The following TAS2R1 variants were observed in gnomAD, a reference collection of about 807,000 sequenced individuals.
The protein encoded by TAS2R1 is taste 2 receptor member 1.
For synonymous variants in TAS2R1, 141 were observed against 134.2 expected (o/e 1.05, Z -0.35); for missense variants, 370 against 353.4 (o/e 1.05, Z -0.38).
the TAS2R1 span, among the ~76,000 whole-genome samples, chr5:9,892,287 A>G: frequency 6.6e-5 from 10 of 152,254 alleles, no homozygotes; most frequent in East Asian, 1.5e-3. Flanking sequence ...GAAATGCCAC[A>G]TGAATTTCAG....
the TAS2R1 span, among the ~76,000 whole-genome samples, chr5:9,875,924 T>C: frequency 1.3e-5 from 2 of 152,206 alleles, no homozygotes; most frequent in Admixed American, 6.5e-5. Flanking sequence ...CTCTGGAGAC[T>C]GTCCTATTTA....
chr5:9,636,883 C>G (rs1475004769), intron 2 of TAS2R1, among the ~76,000 whole-genome samples: 1 of 151,984 alleles, frequency 6.6e-6, no homozygotes, highest in African/African-American at 2.4e-5. Context: ...TTCTGCCATT[C>G]TGGGTCTTTT....
At chr5:9,667,151 A>G (rs925259458) in intron 1 of TAS2R1, among the ~76,000 whole-genome samples, 4 of 152,196 alleles carry the variant, frequency 2.6e-5, no homozygotes, top group African/African-American at 9.7e-5. Flanking sequence ...CTAGAAACAC[A>G]TTTAAACTAG....
At chr5:9,699,020 A>G (rs1192340815) in intron 1 of TAS2R1, among the ~76,000 whole-genome samples, 1 of 152,174 alleles carries the variant, frequency 6.6e-6, no homozygotes, top group African/African-American at 2.4e-5. Context: ...CTTGAGAACT[A>G]AGCTCAAAAC....
At chr5:9,821,418 G>A in the TAS2R1 span, among the ~76,000 whole-genome samples, 1 of 152,280 alleles carries the variant, frequency 6.6e-6, no homozygotes, top group Non-Finnish European at 1.5e-5. Flanking sequence ...GTCATTGGAG[G>A]GACAGCTCTT....
intron 1 of TAS2R1, among the ~76,000 whole-genome samples, chr5:9,661,186 T>C (rs1385742718): frequency 2.0e-5 from 3 of 152,252 alleles, no homozygotes; most frequent in African/African-American, 7.2e-5. Context: ...ATACTTCTAA[T>C]TAAAACCTTA....
At chr5:9,719,263 AAG>A in the TAS2R1 span, among the ~76,000 whole-genome samples, 5 of 152,338 alleles carry the variant, frequency 3.3e-5, no homozygotes, top group East Asian at 9.6e-4. Context: ...TACACAGAGA[AAG>A]AGAGAGAGAT....
chr5:9,639,060 T>C (rs774277937), intron 2 of TAS2R1, among the ~76,000 whole-genome samples: 2 of 152,114 alleles, frequency 1.3e-5, no homozygotes, highest in Non-Finnish European at 2.9e-5. Flanking sequence ...GCCCGCTCCA[T>C]TGGCAGCAGC....
At chr5:9,754,422 A>G in the TAS2R1 span, among the ~76,000 whole-genome samples, 1 of 152,208 alleles carries the variant, frequency 6.6e-6, no homozygotes, top group African/African-American at 2.4e-5. Context: ...ATCAGGCAGG[A>G]GAAGGAAATA....
chr5:9,718,253 G>A, the TAS2R1 span, among the ~76,000 whole-genome samples: 218 of 152,036 alleles, frequency 1.4e-3, no homozygotes, highest in African/African-American at 4.8e-3. Context: ...ACAGGCGTGA[G>A]CCACTGCGCC....
At chr5:9,745,091 G>A in the TAS2R1 span, among the ~76,000 whole-genome samples, 20 of 152,134 alleles carry the variant, frequency 1.3e-4, no homozygotes, top group Admixed American at 6.6e-4. Context: ...AAAAGGCTGC[G>A]GGCAGACCAA....
At chr5:9,704,333 A>G (rs1741556077) in intron 1 of TAS2R1, among the ~76,000 whole-genome samples, 1 of 151,232 alleles carries the variant, frequency 6.6e-6, no homozygotes, top group South Asian at 2.1e-4. Context: ...CATGTTCTTT[A>G]TCTACTTTCT....
At chr5:9,891,733 A>G in the TAS2R1 span, among the ~76,000 whole-genome samples, 2 of 152,192 alleles carry the variant, frequency 1.3e-5, no homozygotes, top group Non-Finnish European at 2.9e-5. Context: ...GAGAACAGAT[A>G]TTAGACCAGG....
chr5:9,745,573 C>T, the TAS2R1 span, among the ~76,000 whole-genome samples: 4 of 151,728 alleles, frequency 2.6e-5, no homozygotes, highest in Admixed American at 1.3e-4. Flanking sequence ...AACAGATACA[C>T]AGACCAATAG....
At chr5:9,692,255 T>C (rs1318287633) in intron 1 of TAS2R1, among the ~76,000 whole-genome samples, 1 of 152,164 alleles carries the variant, frequency 6.6e-6, no homozygotes, top group East Asian at 1.9e-4. Flanking sequence ...GCCAACTATA[T>C]ACATAGGACT....
chr5:9,855,473 G>GAGTC, the TAS2R1 span, among the ~76,000 whole-genome samples: 3 of 152,232 alleles, frequency 2.0e-5, no homozygotes, highest in Non-Finnish European at 4.4e-5. Flanking sequence ...GGCAGAAATG[G>GAGTC]AGTCAGGCAG....
chr5:9,670,017 T>C (rs1216186272), intron 1 of TAS2R1, among the ~76,000 whole-genome samples: 1 of 152,028 alleles, frequency 6.6e-6, no homozygotes, highest in African/African-American at 2.4e-5. Flanking sequence ...GCTAGAATAA[T>C]TTTAAAAGAG....
At chr5:9,725,136 C>T in the TAS2R1 span, among the ~76,000 whole-genome samples, 1 of 152,138 alleles carries the variant, frequency 6.6e-6, no homozygotes, top group Non-Finnish European at 1.5e-5. Context: ...TGAGAGGTGA[C>T]AGCGTGCTGG....
chr5:9,783,096 G>A, the TAS2R1 span, among the ~76,000 whole-genome samples: 2 of 152,074 alleles, frequency 1.3e-5, no homozygotes, highest in East Asian at 1.9e-4. Context: ...CTGCAGCCCC[G>A]TTGCCTTCTC....
Sources: gnomAD v4.1 joint callset for allele counts (sites outside exome capture counted in the v4.1 genomes callset) on GRCh38, gnomAD v4.1.1 for gene constraint, MANE v1.5 for transcripts, NCBI Gene and HGNC (gene_info 2026-07-23, HGNC 2026-07-21) for gene names.